CDH12: variants seen among roughly 807,000 people sequenced by gnomAD.
The protein encoded by CDH12 is cadherin 12, also known as cadherin-12.
Under a neutral mutation model 74.1 loss-of-function variants are expected in CDH12, and 41 were observed. The ratio of observed to expected loss-of-function variants is 0.55; its 90% CI spans 0.43 to 0.72. The LOEUF is 0.72. CDH12 is among the 30% of genes least tolerant of loss of function. CDH12 has a pLI of 0.00. For missense variants in CDH12, 945 were observed against 977.2 expected (o/e 0.97, Z 0.44); for synonymous variants, 399 against 355.0 (o/e 1.12, Z -1.39).
intron 4 of CDH12, among the ~76,000 whole-genome samples, chr5:22,117,772 G>A (rs993764177): frequency 2.0e-5 from 3 of 150,718 alleles, no homozygotes; most frequent in African/African-American, 7.3e-5. Flanking sequence ...ACTTATATGG[G>A]TGTATCTGTA....
In CDH12 at chr5:22,816,846, C is replaced by T. The variant is rs1749418982; in HGVS notation, c.-523+36212G>A. Among the ~76,000 whole-genome samples the T allele has an allele frequency of 2.0e-5, 3 of 152,202 alleles. No homozygotes were observed. The South Asian group carries it at 6.2e-4, about 32-fold the overall frequency. ...GAGGATTTTCTCTAACAGCAGCAAACTCATATAAAAAACCAGCATATCTTT... is the reference window on the plus strand; with the variant it reads ...GAGGATTTTCTCTAACAGCAGCAAATTCATATAAAAAACCAGCATATCTTT... On this transcript the variant is annotated intron_variant, in intron 1 of 14. Transcript: ENST00000382254.
intron 4 of CDH12, among the ~76,000 whole-genome samples, chr5:22,117,043 G>A (rs1745159948): frequency 6.6e-6 from 1 of 151,612 alleles, no homozygotes; most frequent in East Asian, 1.9e-4. Flanking sequence ...GTGACAAATA[G>A]GGGTTATAAA....
chr5:22,847,800 T>G (rs2126535784), intron 1 of CDH12, among the ~76,000 whole-genome samples: 1 of 152,296 alleles, frequency 6.6e-6, no homozygotes, highest in South Asian at 2.1e-4. Flanking sequence ...TTATAAACTT[T>G]CATGTTCACT....
At chr5:22,654,197 CTTTT>C (rs1469381288) in intron 1 of CDH12, among the ~76,000 whole-genome samples, 6 of 142,152 alleles carry the variant, frequency 4.2e-5, no homozygotes, top group South Asian at 2.2e-4. Context: ...TTCTTTCTTT[CTTTT>C]CTTTCTTTCT....
Position 22,681,228 on chromosome 5 carries a change from G to GTGTGTGT in CDH12, c.-523+171829_-523+171830insACACACA, listed in dbSNP as rs869281805. On this transcript the variant is annotated intron_variant, in intron 1 of 14. Transcript: ENST00000382254. ...ATCATTAAGCTCCTGGGTATTGGGG[G>GTGTGTGT]GTGTGTGTGTGTGTGTGTGTGTGTG... 7.8e-3 allele frequency among the ~76,000 whole-genome samples: 823 copies of GTGTGTGT among 105,796 alleles called. 7 individuals are homozygous for GTGTGTGT. Among genetic ancestry groups the GTGTGTGT allele is most frequent in the African/African-American group, 0.024 (757 of 32,134 alleles). 69.4% of individuals were successfully genotyped at this position (105,796 alleles called of 152,430 possible). A position where few individuals can be genotyped will look rare whatever the true frequency, so the allele number is the denominator to read the frequency against.
intron 3 of CDH12, among the ~76,000 whole-genome samples, chr5:22,366,040 C>A (rs1487083938): frequency 1.3e-5 from 2 of 152,112 alleles, no homozygotes; most frequent in South Asian, 4.1e-4. Flanking sequence ...CTCACTGCAA[C>A]CCCTGCCTCT....
chr5:22,386,627 C>A (rs1388165543), intron 3 of CDH12, among the ~76,000 whole-genome samples: 4 of 151,710 alleles, frequency 2.6e-5, no homozygotes, highest in Non-Finnish European at 4.4e-5. Context: ...ATCTAGAGTT[C>A]TTTTATTATC....
intron 1 of CDH12, among the ~76,000 whole-genome samples, chr5:22,731,873 T>C (rs573647866): frequency 8.6e-5 from 13 of 151,888 alleles, no homozygotes; most frequent in African/African-American, 2.9e-4. Context: ...ATAATTAAAA[T>C]TGCATAGTTG....
At chr5:22,556,610 T>C (rs1426774407) in intron 1 of CDH12, among the ~76,000 whole-genome samples, 1 of 152,064 alleles carries the variant, frequency 6.6e-6, no homozygotes, top group Non-Finnish European at 1.5e-5. Flanking sequence ...TGGTTAAGAA[T>C]ACGTTAAATA....
At chr5:22,725,968 GA>G (rs1359332920) in intron 1 of CDH12, among the ~76,000 whole-genome samples, 1 of 151,678 alleles carries the variant, frequency 6.6e-6, no homozygotes, top group Non-Finnish European at 1.5e-5. Flanking sequence ...ATTTAGGGGA[GA>G]ATACAGAGTT....
At chr5:22,074,160 A>G (rs1478628683) in intron 5 of CDH12, among the ~76,000 whole-genome samples, 20 of 152,146 alleles carry the variant, frequency 1.3e-4, no homozygotes, top group Admixed American at 1.3e-3. Context: ...ATAATGCTGC[A>G]TATCTACAAC....
chr5:22,491,548 C>T (rs187386214), intron 2 of CDH12, among the ~76,000 whole-genome samples: 95 of 139,940 alleles, frequency 6.8e-4, no homozygotes, highest in Admixed American at 1.1e-3. Context: ...CTGGGCCACA[C>T]TGGAAGAAGA....
intron 2 of CDH12, among the ~76,000 whole-genome samples, chr5:22,408,376 T>G (rs1057464733): frequency 6.6e-6 from 1 of 151,868 alleles, no homozygotes; most frequent in Admixed American, 6.6e-5. Context: ...TCTGTCCTTT[T>G]TTTCAAAATA....
At chr5:22,049,953 A>T (rs1388564315) in intron 5 of CDH12, among the ~76,000 whole-genome samples, 2 of 152,270 alleles carry the variant, frequency 1.3e-5, no homozygotes, top group South Asian at 2.1e-4. Flanking sequence ...AACTCTCTAT[A>T]AAATATATCC....
chr5:22,674,510 G>C (rs1418744516), intron 1 of CDH12, among the ~76,000 whole-genome samples: 2 of 152,058 alleles, frequency 1.3e-5, no homozygotes, highest in Admixed American at 1.3e-4. Context: ...GACTAATATA[G>C]TATACTGGCA....
chr5:21,996,158 A>G (rs1019888350), intron 5 of CDH12, among the ~76,000 whole-genome samples: 5 of 130,166 alleles, frequency 3.8e-5, no homozygotes, highest in African/African-American at 1.4e-4. Flanking sequence ...AGTGTAGACC[A>G]TGTCTTTCTC....
intron 2 of CDH12, among the ~76,000 whole-genome samples, chr5:22,417,807 T>C (rs7701425): frequency 0.04 from 6,146 of 152,250 alleles, 429 homozygotes; most frequent in African/African-American, 0.14. Context: ...TTTTACATTA[T>C]TTTGGATATT....
chr5:22,584,953 T>TA (rs529924440), intron 1 of CDH12, among the ~76,000 whole-genome samples: 105 of 152,164 alleles, frequency 6.9e-4, no homozygotes, highest in Middle Eastern at 3.4e-3. Flanking sequence ...AATTTACTAC[T>TA]AAAAAAAACC....
chr5:22,429,243 C>T (rs192107378), intron 2 of CDH12, among the ~76,000 whole-genome samples: 31 of 152,082 alleles, frequency 2.0e-4, no homozygotes, highest in East Asian at 9.7e-4. Flanking sequence ...TGGATCCTCC[C>T]ACCTCAGCCT....
Sources: allele counts gnomAD v4.1 joint callset (sites outside exome capture counted in the v4.1 genomes callset), GRCh38; gene constraint gnomAD v4.1.1; transcripts MANE v1.5; gene names NCBI Gene and HGNC (gene_info 2026-07-23, HGNC 2026-07-21).